The following ADD2 variants were observed in gnomAD, a reference collection of about 807,000 sequenced individuals.
The protein encoded by ADD2 is beta-adducin.
A neutral mutation model predicts 83.0 loss-of-function variants in ADD2; 23 were observed. The ratio of observed to expected loss-of-function variants is 0.28; its 90% CI spans 0.20 to 0.39. ADD2 has a LOEUF of 0.39. Ranked by LOEUF, ADD2 falls within the 10% of genes least tolerant of loss-of-function variation. The probability of loss-of-function intolerance (pLI) is 1.00; values close to 1 mark genes in which losing one functional copy is unlikely to be tolerated. For synonymous variants in ADD2, 375 were observed against 375.4 expected, an observed-to-expected ratio of 1.00 and a Z score of 0.01; for missense variants, 758 against 944.9, an observed-to-expected ratio of 0.80 and a Z score of 2.59.
chr2:70,753,836 A>G (rs1209445395), intron 1 of ADD2, among the ~76,000 whole-genome samples: 1 of 152,212 alleles, frequency 6.6e-6, no homozygotes, highest in Non-Finnish European at 1.5e-5. Context: ...AACATGCTTC[A>G]TTCCTCCAAA....
chr2:70,760,971 G>A (rs1397364870), intron 1 of ADD2, among the ~76,000 whole-genome samples: 2 of 152,122 alleles, frequency 1.3e-5, no homozygotes, highest in African/African-American at 4.8e-5. Flanking sequence ...AGATGAAGAA[G>A]TGTATGCCCC....
At chr2:70,690,676 T>A in intron 8 of ADD2, 110 bp downstream of exon 8, 1 of 1,295,110 alleles carries the variant, frequency 7.7e-7, no homozygotes, top group Non-Finnish European at 1.0e-6. Flanking sequence ...TCTTTCTTTT[T>A]TTTCCCCCCT....
intron 11 of ADD2, 47 bp from the exon 12 acceptor site, chr2:70,677,924 T>C (rs782758494): frequency 6.2e-7 from 1 of 1,611,950 alleles, no homozygotes; most frequent in Admixed American, 1.7e-5. Context: ...AACAGGCCCA[T>C]GAGTCCTCCC....
intron 1 of ADD2, chr2:70,767,642 C>T (rs1675476007): frequency 1.5e-6 from 2 of 1,331,440 alleles, no homozygotes; most frequent in Non-Finnish European, 1.9e-6. Context: ...TCCCACCATC[C>T]CCAAGCAGGG....
At chr2:70,758,862 G>T (rs1553384348) in intron 1 of ADD2, among the ~76,000 whole-genome samples, 1 of 152,100 alleles carries the variant, frequency 6.6e-6, no homozygotes, top group Admixed American at 6.5e-5. Context: ...GGAAGAAGGT[G>T]GGGGGACTCT....
rs1264661701 is a variant in ADD2 at position 70,657,349 on chromosome 2, G to A, written c.*6076C>T. The A allele has an allele frequency of 2.0e-5, 3 of 152,186 alleles. No homozygotes were observed. Among genetic ancestry groups the A allele is most frequent in the Non-Finnish European group, 4.4e-5 (3 of 68,032 alleles). The allele number at this position is 152,186 out of a possible 1,614,324, so 9.4% of individuals were successfully genotyped here. On this transcript the variant is annotated 3_prime_UTR_variant, in exon 16 of 16. Coordinates refer to ENST00000264436, the MANE Select transcript of ADD2 (RefSeq NM_001617.4). ...GAGAACACTGCATTCTATCTAGACT[G>A]GGTTCCTGCTTGCCTGCACCCCAGC...
intron 1 of ADD2, among the ~76,000 whole-genome samples, chr2:70,734,461 C>G (rs1306682551): frequency 2.6e-5 from 4 of 152,114 alleles, no homozygotes; most frequent in African/African-American, 7.2e-5. Flanking sequence ...AGGGAAGCCT[C>G]TTGGGGTAAA....
intron 1 of ADD2, among the ~76,000 whole-genome samples, chr2:70,756,135 G>T (rs572252925): frequency 6.6e-6 from 1 of 151,644 alleles, no homozygotes; most frequent in South Asian, 2.1e-4. Context: ...ACAAATTGCA[G>T]GTCTCTATAC....
intron 1 of ADD2, among the ~76,000 whole-genome samples, chr2:70,733,220 C>T (rs191523089): frequency 6.6e-6 from 1 of 152,320 alleles, no homozygotes; most frequent in African/African-American, 2.4e-5. Flanking sequence ...GATGTTGCCT[C>T]TTGCAGAGAG....
chr2:70,759,100 C>T (rs1458708794), intron 1 of ADD2, among the ~76,000 whole-genome samples: 1 of 152,134 alleles, frequency 6.6e-6, no homozygotes, highest in East Asian at 1.9e-4. Context: ...GGATTTACTA[C>T]TTGGCTTAGA....
intron 1 of ADD2, among the ~76,000 whole-genome samples, chr2:70,753,161 A>T (rs538824682): frequency 6.6e-6 from 1 of 152,360 alleles, no homozygotes; most frequent in South Asian, 2.1e-4. Flanking sequence ...AGGGAAAACC[A>T]GAAAAGGGCA....
chr2:70,714,443 A>T (rs1672359052), intron 1 of ADD2, among the ~76,000 whole-genome samples: 1 of 152,202 alleles, frequency 6.6e-6, no homozygotes, highest in Non-Finnish European at 1.5e-5. Context: ...GTGGGAATCC[A>T]GGATACCTGC....
chr2:70,727,335 T>A (rs1411322055), intron 1 of ADD2, among the ~76,000 whole-genome samples: 21 of 151,888 alleles, frequency 1.4e-4, no homozygotes, highest in African/African-American at 4.4e-4. Context: ...GTGGCTGGGG[T>A]CCAGCAGAAC....
intron 1 of ADD2, among the ~76,000 whole-genome samples, chr2:70,736,123 G>C (rs1343725788): frequency 1.3e-5 from 2 of 152,058 alleles, no homozygotes; most frequent in African/African-American, 4.8e-5. Context: ...TCTAACTGCC[G>C]GGGGTGGGGG....
intron 4 of ADD2, 58 bp downstream of exon 4, chr2:70,704,263 T>TTGCG: frequency 2.2e-6 from 2 of 913,238 alleles, no homozygotes; most frequent in East Asian, 2.9e-5. Flanking sequence ...CTCCCTCTCT[T>TTGCG]CCCCACCCCA....
intron 4 of ADD2, among the ~76,000 whole-genome samples, chr2:70,701,017 T>A (rs1265947187): frequency 6.6e-6 from 1 of 151,916 alleles, no homozygotes; most frequent in Admixed American, 6.6e-5. Context: ...TTAAACTATA[T>A]CAGGGTAAAA....
At position 70,676,834 on chromosome 2, in the gene ADD2, G is replaced by C. The variant is rs372820225; in HGVS notation, c.1555C>G (p.Leu519Val). 1.2e-6 allele frequency: 2 copies of C among 1,614,204 alleles called. No individual in the cohort carries two copies. The highest frequency in any genetic ancestry group is 1.7e-6 in the Non-Finnish European group (2 of 1,180,022). Residue 519 changes from leucine to valine, a missense_variant, in exon 13 of 16, where the codon CTC becomes GTC. By Grantham distance (32) the Leu-to-Val change is conservative. This residue lies in a region of ADD2 where 394 missense variants were observed against 509.3 expected (regional missense o/e 0.77). Coordinates refer to ENST00000264436, the MANE Select transcript of ADD2 (RefSeq NM_001617.4). The surrounding 1 kb of genome is among the most constrained non-coding windows in gnomAD (Gnocchi z 4.8). Reference sequence around the variant, plus strand: ...TTCTCGGCAATGACGCTCGCCAGGAGCTGGGACTGAGGCCCCGCTGACTTC... The same window carrying C: ...TTCTCGGCAATGACGCTCGCCAGGACCTGGGACTGAGGCCCCGCTGACTTC... The part of the protein sequence containing the change: ...DVKSAGPQSQ[L>V]LASVIAEKSR...
intron 1 of ADD2, among the ~76,000 whole-genome samples, chr2:70,715,242 G>C (rs1672402018): frequency 1.3e-5 from 2 of 152,158 alleles, no homozygotes; most frequent in Non-Finnish European, 1.5e-5. Flanking sequence ...GCTCTAGAGA[G>C]GCCCCAGCAC....
intron 15 of ADD2, among the ~76,000 whole-genome samples, chr2:70,665,911 G>A (rs1014143957): frequency 1.1e-4 from 16 of 151,512 alleles, no homozygotes; most frequent in Non-Finnish European, 1.8e-4. Context: ...CACCTCCTAG[G>A]TTCAAGCAAT....
Sources: allele counts gnomAD v4.1 joint callset (sites outside exome capture counted in the v4.1 genomes callset), GRCh38; gene constraint gnomAD v4.1.1; regional missense constraint gnomAD v4.1.1; non-coding constraint Gnocchi (gnomAD v3.1); transcripts MANE v1.5; gene names NCBI Gene and HGNC (gene_info 2026-07-23, HGNC 2026-07-21).